Variants in ABCC1 observed in about 807,000 individuals in gnomAD.
The protein encoded by ABCC1 is multidrug resistance-associated protein 1.
A neutral mutation model predicts 172.9 loss-of-function variants in ABCC1; 83 were observed. That is an observed-to-expected ratio of 0.48 (90% CI 0.40 to 0.58). ABCC1 has a LOEUF of 0.58. Ranked by LOEUF, ABCC1 falls within the 20% of genes least tolerant of loss-of-function variation. The pLI is 0.00. For synonymous variants in ABCC1, 937 were observed against 825.2 expected, an observed-to-expected ratio of 1.14 and a Z score of -2.32; for missense variants, 1,817 against 2,002.7, an observed-to-expected ratio of 0.91 and a Z score of 1.77.
intron 13 of ABCC1, among the ~76,000 whole-genome samples, chr16:16,068,941 C>T (rs887383281): frequency 5.4e-5 from 8 of 149,510 alleles, no homozygotes; most frequent in Admixed American, 3.4e-4. Context: ...GAGCCAAGAT[C>T]GTGCCATTGC....
chr16:15,970,893 C>A (rs1416683115), intron 1 of ABCC1, among the ~76,000 whole-genome samples: 7 of 152,190 alleles, frequency 4.6e-5, no homozygotes, highest in Non-Finnish European at 1.0e-4. Flanking sequence ...TTATACCTGG[C>A]CTTCAACTCA....
chr16:16,052,299 C>T (rs578181179), intron 10 of ABCC1, among the ~76,000 whole-genome samples: 9 of 151,996 alleles, frequency 5.9e-5, no homozygotes, highest in Non-Finnish European at 1.0e-4. Context: ...AGTTGGAGAC[C>T]AGCCTGGGCA....
chr16:16,011,701 G>A (rs1055353127), intron 3 of ABCC1, among the ~76,000 whole-genome samples: 3 of 151,310 alleles, frequency 2.0e-5, no homozygotes, highest in African/African-American at 7.3e-5. Context: ...ATGGAGTTTC[G>A]CTTTGTTGCC....
rs368314114 is a variant in ABCC1, at chr16:16,102,725, C to T, written c.2735+8C>T. The T allele has an allele frequency of 2.6e-5, 40 of 1,564,594 alleles. No individual in the cohort carries two copies. Among genetic ancestry groups the T allele is most frequent in the East Asian group, 1.7e-4 (7 of 42,318 alleles). Reference sequence around the variant, plus strand: ...AGGGAAGCAACTGCAGAGGTAAGGGCGGGGAGGAAGGCCCCAACCTAAGGA... The same window carrying T: ...AGGGAAGCAACTGCAGAGGTAAGGGTGGGGAGGAAGGCCCCAACCTAAGGA... On this transcript the variant is annotated splice_region_variant and intron_variant, in intron 20 of 30. Coordinates refer to ENST00000399410, the MANE Select transcript of ABCC1 (RefSeq NM_004996.4).
At chr16:16,101,870 G>T (rs1270289606) in intron 19 of ABCC1, among the ~76,000 whole-genome samples, 1 of 152,226 alleles carries the variant, frequency 6.6e-6, no homozygotes, top group African/African-American at 2.4e-5. Flanking sequence ...GATCAGGGCA[G>T]ATATCCAGCT....
chr16:16,045,559 G>A (rs188345239), intron 8 of ABCC1, among the ~76,000 whole-genome samples: 68 of 152,080 alleles, frequency 4.5e-4, no homozygotes, highest in African/African-American at 1.3e-3. Context: ...TCTTTACCTC[G>A]TGTTCCCTAT....
chr16:16,123,491 G>A (rs2045259084), intron 24 of ABCC1, among the ~76,000 whole-genome samples: 1 of 151,808 alleles, frequency 6.6e-6, no homozygotes, highest in African/African-American at 2.4e-5. Flanking sequence ...AAAAAAATTA[G>A]CCGGGCATGA....
intron 16 of ABCC1, among the ~76,000 whole-genome samples, chr16:16,081,377 T>A (rs577985167): frequency 6.6e-6 from 1 of 152,216 alleles, no homozygotes; most frequent in Non-Finnish European, 1.5e-5. Context: ...CAAATCCCGA[T>A]GGGATCCACA....
chr16:16,074,644 C>T (rs2050483086), intron 14 of ABCC1, among the ~76,000 whole-genome samples: 1 of 152,162 alleles, frequency 6.6e-6, no homozygotes, highest in African/African-American at 2.4e-5. Context: ...GCCCCCTTGG[C>T]TGCTCCCAGC....
intron 23 of ABCC1, among the ~76,000 whole-genome samples, chr16:16,115,428 T>C (rs1380118092): frequency 1.3e-5 from 2 of 151,776 alleles, no homozygotes; most frequent in Non-Finnish European, 2.9e-5. Flanking sequence ...AATCTTGGCT[T>C]ACTGCAACCT....
chr16:15,958,620 C>G (rs1365111581), intron 1 of ABCC1, among the ~76,000 whole-genome samples: 1 of 152,196 alleles, frequency 6.6e-6, no homozygotes, highest in Non-Finnish European at 1.5e-5. Flanking sequence ...CAGTACAACT[C>G]TAGCTCGTGA....
Position 16,068,232 on chromosome 16 carries a change from C to T in ABCC1, c.1754C>T (p.Ser585Phe). The T allele has an allele frequency of 6.2e-7, 1 of 1,614,180 alleles. No homozygotes were observed. Among genetic ancestry groups the T allele is most frequent in the Non-Finnish European group, 8.5e-7 (1 of 1,180,034 alleles). The change falls in exon 13 of 31, where the codon TCT (serine) becomes TTT (phenylalanine). Residue 585 changes from serine (S) to phenylalanine (F), a missense_variant. Around this residue, in one of 3 missense-constraint regions of ABCC1, gnomAD observed 1,412 missense variants for 1,600.3 expected, o/e 0.88. Coordinates refer to ENST00000399410, the MANE Select transcript of ABCC1 (RefSeq NM_004996.4). ...CTGGATGCCCAGACAGCCTTCGTGT[C>T]TTTGGCCTTGTTCAACATCCTCCGG... is the stretch of plus-strand genomic sequence containing the variant. Reference protein sequence around the residue: ...NILDAQTAFVSLALFNILRFP... With the variant: ...NILDAQTAFVFLALFNILRFP...
intron 19 of ABCC1, among the ~76,000 whole-genome samples, chr16:16,096,019 G>T (rs2051460620): frequency 1.3e-5 from 2 of 152,078 alleles, no homozygotes. Flanking sequence ...GTAATGCCAG[G>T]ACTTTGGGAG....
At chr16:16,061,210 C>T (rs1184227939) in intron 12 of ABCC1, among the ~76,000 whole-genome samples, 1 of 152,196 alleles carries the variant, frequency 6.6e-6, no homozygotes, top group Non-Finnish European at 1.5e-5. Context: ...CAGGTGTGAG[C>T]CGCCATGCCC....
At chr16:15,950,575 C>G (rs866996693) in intron 1 of ABCC1, among the ~76,000 whole-genome samples, 1 of 152,146 alleles carries the variant, frequency 6.6e-6, no homozygotes, top group Non-Finnish European at 1.5e-5. Context: ...TCTTCTGTAA[C>G]GTGGCCTGCG....
intron 1 of ABCC1, among the ~76,000 whole-genome samples, chr16:15,965,374 C>T (rs2046220707): frequency 6.6e-6 from 1 of 152,008 alleles, no homozygotes; most frequent in South Asian, 2.1e-4. Context: ...TCACTGCAAG[C>T]TCCGCCTCCC....
intron 7 of ABCC1, 125 bp from the exon 8 acceptor site, chr16:16,044,325 T>G: frequency 1.2e-6 from 1 of 847,582 alleles, no homozygotes; most frequent in South Asian, 1.6e-5. Flanking sequence ...GAGCTGCCTC[T>G]TTCCCTGGGC....
In ABCC1 at chr16:16,102,622, G is replaced by T. The variant is rs2051816159; in HGVS notation, c.2645-5G>T. The stretch of plus-strand genomic sequence containing the variant: ...CACTTGCCCCCTTTGTCTCTCTTCT[G>T]CCAGGGGTCACGGGCGTCAGCGGTC... On this transcript the variant is annotated splice_polypyrimidine_tract_variant and splice_region_variant and intron_variant, in intron 19 of 30. Transcript: ENST00000399410. The T allele has an allele frequency of 1.3e-6, 2 of 1,573,362 alleles. No homozygotes were observed. Among genetic ancestry groups the T allele is most frequent in the Non-Finnish European group, 1.7e-6 (2 of 1,158,804 alleles).
chr16:16,037,045 T>C (rs1040066965), intron 7 of ABCC1, among the ~76,000 whole-genome samples: 2 of 151,460 alleles, frequency 1.3e-5, no homozygotes, highest in Admixed American at 6.6e-5. Flanking sequence ...GAGGTTGCAG[T>C]GAGCTGAGAT....
Sources: gnomAD v4.1 joint callset for allele counts (sites outside exome capture counted in the v4.1 genomes callset) on GRCh38, gnomAD v4.1.1 for gene constraint, gnomAD v4.1.1 regional missense constraint, MANE v1.5 for transcripts, NCBI Gene and HGNC (gene_info 2026-07-23, HGNC 2026-07-21) for gene names.